The following KCNQ1 variants were observed in gnomAD, a reference collection of about 807,000 sequenced individuals.
The protein encoded by KCNQ1 is potassium voltage-gated channel subfamily Q member 1, also known as potassium voltage-gated channel subfamily KQT member 1.
Under a neutral mutation model 72.4 loss-of-function variants are expected in KCNQ1, and 49 were observed. That is an observed-to-expected ratio of 0.68 (90% CI 0.54 to 0.86). The LOEUF (loss-of-function observed/expected upper bound fraction) is 0.86. Ranked by LOEUF, KCNQ1 falls within the 40% of genes least tolerant of loss-of-function variation. The pLI, the probability that KCNQ1 is intolerant of heterozygous loss-of-function variation, is 0.00. For missense variants in KCNQ1, 790 were observed against 945.1 expected (o/e 0.84, Z 2.15); for synonymous variants, 450 against 412.6 (o/e 1.09, Z -1.10).
At chr11:2,596,880 G>C (rs1116715) in intron 10 of KCNQ1, among the ~76,000 whole-genome samples, 1 of 150,982 alleles carries the variant, frequency 6.6e-6, no homozygotes. Context: ...AATATATAAT[G>C]TAAATATATA....
In KCNQ1 at chr11:2,772,842, C is replaced by T. The variant is rs1474307925; in HGVS notation, c.1591-3118C>T. Among the ~76,000 whole-genome samples, 1 of 152,242 alleles carries T rather than the reference C, an allele frequency of 6.6e-6. No individual in the cohort carries two copies. Among genetic ancestry groups the T allele is most frequent in the East Asian group, 1.9e-4 (1 of 5,200 alleles). On this transcript the variant is annotated intron_variant, in intron 12 of 15. Transcript: ENST00000155840. The surrounding 1 kb of genome is among the most constrained non-coding windows in gnomAD (Gnocchi z 6.6). ...GAGACTCCTAGGGCTTGGTTTTCCC[C>T]TGCCCTGCCTCCCTTCACCTGCCCA...
intron 15 of KCNQ1, among the ~76,000 whole-genome samples, chr11:2,800,943 T>G (rs1847250871): frequency 6.6e-6 from 1 of 152,026 alleles, no homozygotes; most frequent in Non-Finnish European, 1.5e-5. Context: ...CAGAGCCCAT[T>G]CTAGAGAATG....
rs978204708 is a variant in KCNQ1, at chr11:2,720,219, G to A, written c.1515-48625G>A. The stretch of plus-strand genomic sequence containing the variant: ...GGGCATGATGGATGTGTAAAGAATC[G>A]AGAAGCCAAGTGCCCTTGCCATTTG... On this transcript the variant is annotated intron_variant, in intron 11 of 15. Coordinates refer to ENST00000155840, the MANE Select transcript of KCNQ1 (RefSeq NM_000218.3). This position sits in a 1 kb window ranked among gnomAD's most constrained non-coding sequence, Gnocchi z 5.1. 5.3e-5 allele frequency among the ~76,000 whole-genome samples: 8 copies of A among 152,156 alleles called. No individual in the cohort carries two copies. Among genetic ancestry groups the A allele is most frequent in the Non-Finnish European group, 8.8e-5 (6 of 68,044 alleles).
At chr11:2,755,936 C>T (rs554636286) in intron 11 of KCNQ1, among the ~76,000 whole-genome samples, 2 of 152,282 alleles carry the variant, frequency 1.3e-5, no homozygotes, top group East Asian at 1.9e-4. Context: ...CCTTCATGGT[C>T]GAGGAACACA....
At chr11:2,581,496 C>A (rs1848497656) in intron 6 of KCNQ1, among the ~76,000 whole-genome samples, 1 of 152,216 alleles carries the variant, frequency 6.6e-6, no homozygotes, top group Non-Finnish European at 1.5e-5. Context: ...GGCTCCGGTT[C>A]CCCCAGGGCC....
At chr11:2,529,061 G>A (rs1847564253) in intron 2 of KCNQ1, among the ~76,000 whole-genome samples, 1 of 152,222 alleles carries the variant, frequency 6.6e-6, no homozygotes, top group Non-Finnish European at 1.5e-5. Context: ...GTGAGGCACA[G>A]GCCTGCTGTC....
At chr11:2,793,371 G>C (rs1455447025) in intron 15 of KCNQ1, among the ~76,000 whole-genome samples, 1 of 144,090 alleles carries the variant, frequency 6.9e-6, no homozygotes, top group Non-Finnish European at 1.5e-5. Context: ...TGTAATCCCA[G>C]CTCTTTAGGA....
rs558980181 is a variant in KCNQ1 at position 2,648,728 on chromosome 11, G to A, written c.1394-13233G>A. 6.0e-5 allele frequency: 24 copies of A among 398,454 alleles called. No individual in the cohort carries two copies. The South Asian group carries it at 7.6e-4, about 13-fold the overall frequency. The allele number at this position is 398,454 out of a possible 1,614,324, so 24.7% of individuals were successfully genotyped here. A position where few individuals can be genotyped will look rare whatever the true frequency, so the allele number is the denominator to read the frequency against. On this transcript the variant is annotated intron_variant, in intron 10 of 15. Coordinates refer to ENST00000155840, the MANE Select transcript of KCNQ1 (RefSeq NM_000218.3). ...CCTGGAGAATGTGCTGTGTGCTAAC[G>A]AAGCAGCAGTTCAAATCTAATATTT...
In KCNQ1 at chr11:2,679,159, G is replaced by A. The variant is rs939784424; in HGVS notation, c.1514+17078G>A. The A allele has an allele frequency of 3.8e-5, 15 of 398,462 alleles. No homozygotes were observed. Among genetic ancestry groups the A allele is most frequent in the Admixed American group, 1.3e-4 (3 of 22,712 alleles). 24.7% of individuals were successfully genotyped at this position (398,462 alleles called of 1,614,324 possible). On this transcript the variant is annotated intron_variant, in intron 11 of 15. Coordinates refer to ENST00000155840, the MANE Select transcript of KCNQ1 (RefSeq NM_000218.3). This position sits in a 1 kb window ranked among gnomAD's most constrained non-coding sequence, Gnocchi z 4.8. ...TTCATGGCATGAGTTGGGCAGCAGC[G>A]ACTCAGTTTCCATGTCTGAGTTAGG... is the stretch of plus-strand genomic sequence containing the variant.
At position 2,484,492 on chromosome 11, in the gene KCNQ1, G is replaced by T. The variant is rs1178346916; in HGVS notation, c.386+39008G>T. Among the ~76,000 whole-genome samples the T allele has an allele frequency of 2.0e-5, 3 of 152,204 alleles. No individual in the cohort carries two copies. The South Asian group carries it at 6.2e-4, about 32-fold the overall frequency. ...ATTATTTATTTTCATTGCTCAAATT[G>T]TGCTGGCTTTTGCCCCAGAAACAAC... On this transcript the variant is annotated intron_variant, in intron 1 of 15. Transcript: ENST00000155840. This position sits in a 1 kb window ranked among gnomAD's most constrained non-coding sequence, Gnocchi z 5.2.
chr11:2,819,960 C>T (rs1590109489), intron 15 of KCNQ1, among the ~76,000 whole-genome samples: 1 of 152,316 alleles, frequency 6.6e-6, no homozygotes, highest in African/African-American at 2.4e-5. Flanking sequence ...CAGTAGTATT[C>T]ATTCCTAATT....
Position 2,494,801 on chromosome 11 carries a change from C to CT in KCNQ1, c.387-33120dup, listed in dbSNP as rs372529732. On this transcript the variant is annotated intron_variant, in intron 1 of 15. Transcript: ENST00000155840. The surrounding 1 kb of genome is among the most constrained non-coding windows in gnomAD (Gnocchi z 4.6). ...ATCAGGGATATTGGCCTGAAGTTTT[C>CT]TTTTTTTGTGTGTCGCTGCCAAATT... Among the ~76,000 whole-genome samples, 349 of 152,128 alleles carry CT rather than the reference C, an allele frequency of 2.3e-3. 1 individual carries two copies. Among genetic ancestry groups the CT allele is most frequent in the African/African-American group, 8.2e-3 (341 of 41,502 alleles).
chr11:2,718,239 C>T (rs1310012565), intron 11 of KCNQ1, among the ~76,000 whole-genome samples: 1 of 152,234 alleles, frequency 6.6e-6, no homozygotes, highest in Non-Finnish European at 1.5e-5. Flanking sequence ...CCTCACACAC[C>T]TTGTGCTTGC....
Position 2,584,478 on chromosome 11 carries a change from TGTTAGTGTGTGTTAGTATGTGG to T in KCNQ1, c.1033-721_1033-700del, listed in dbSNP as rs536236704. On this transcript the variant is annotated intron_variant, in intron 7 of 15. Transcript: ENST00000155840. ...GTGTGTGTATGTTAGTGTATGTTAG[TGTTAGTGTGTGTTAGTATGTGG>T]GTTAGTGTGTGTGTTTGTGTGTTAG... Among the ~76,000 whole-genome samples the T allele has an allele frequency of 3.6e-3, 547 of 151,796 alleles. 2 individuals are homozygous for T. Among genetic ancestry groups the T allele is most frequent in the Non-Finnish European group, 5.5e-3 (373 of 67,876 alleles).
intron 11 of KCNQ1, chr11:2,693,439 C>A (rs1204467021): frequency 5.0e-6 from 2 of 398,552 alleles, no homozygotes; most frequent in African/African-American, 2.1e-5. Context: ...AGGCGCTGGC[C>A]CCCCATCGAG....
intron 1 of KCNQ1, among the ~76,000 whole-genome samples, chr11:2,454,875 T>C (rs1339260651): frequency 2.0e-5 from 3 of 152,044 alleles, no homozygotes; most frequent in Non-Finnish European, 2.9e-5. Flanking sequence ...GGATGCCCAC[T>C]TTCACCACTC....
chr11:2,561,497 C>G (rs1848166512), intron 2 of KCNQ1, among the ~76,000 whole-genome samples: 1 of 152,216 alleles, frequency 6.6e-6, no homozygotes, highest in South Asian at 2.1e-4. Flanking sequence ...AGGCCCAGGC[C>G]ACTGTTGTCA....
Position 2,683,398 on chromosome 11 carries a change from T to C in KCNQ1, c.1514+21317T>C, listed in dbSNP as rs1705729764. 2.5e-6 allele frequency: 1 copy of C among 398,664 alleles called. No individual in the cohort carries two copies. 24.7% of individuals were successfully genotyped at this position (398,664 alleles called of 1,614,324 possible). A position where few individuals can be genotyped will look rare whatever the true frequency, so the allele number is the denominator to read the frequency against. On this transcript the variant is annotated intron_variant, in intron 11 of 15. Transcript: ENST00000155840. This position sits in a 1 kb window ranked among gnomAD's most constrained non-coding sequence, Gnocchi z 4.7. ...CAGGTTCCTGGGGCTCTGGGTGGTT[T>C]GTCCAATGGCTAAGCTTTCCCCAGG...
intron 11 of KCNQ1, among the ~76,000 whole-genome samples, chr11:2,749,994 C>T (rs1030005166): frequency 2.0e-5 from 3 of 151,126 alleles, no homozygotes; most frequent in African/African-American, 7.3e-5. Context: ...AGGGGCTCTA[C>T]ACGGCGCCCT....
Sources: allele counts gnomAD v4.1 joint callset (sites outside exome capture counted in the v4.1 genomes callset), GRCh38; gene constraint gnomAD v4.1.1; non-coding constraint Gnocchi (gnomAD v3.1); transcripts MANE v1.5; gene names NCBI Gene and HGNC (gene_info 2026-07-23, HGNC 2026-07-21).